The following PCNX2 variants were observed in gnomAD, a reference collection of about 807,000 sequenced individuals.
PCNX2 encodes the protein pecanex 2, also known as pecanex-like protein 2.
PCNX2 carries 168 observed loss-of-function variants against 223.8 expected under a neutral mutation model. That is an observed-to-expected ratio of 0.75 (90% CI 0.66 to 0.85). PCNX2 has a LOEUF of 0.85. Ranked by LOEUF, PCNX2 falls within the 40% of genes least tolerant of loss-of-function variation. PCNX2 has a pLI of 0.00. For synonymous variants in PCNX2, 1,006 were observed against 1,052.6 expected (o/e 0.96, Z 0.86); for missense variants, 2,507 against 2,675.5 (o/e 0.94, Z 1.39).
At position 233,000,298 on chromosome 1, in the gene PCNX2, G is replaced by A. The variant is rs1026036243; in HGVS notation, c.5328+7C>T. 7.4e-6 allele frequency: 12 copies of A among 1,613,366 alleles called. No homozygotes were observed. Among genetic ancestry groups the A allele is most frequent in the Admixed American group, 3.3e-5 (2 of 60,016 alleles). Reference sequence around the variant, plus strand: ...AACAGGGGACCCAGAAAGTGTGGCCGCCATACCTTGATCACCTTGAAGCTC... The same window carrying A: ...AACAGGGGACCCAGAAAGTGTGGCCACCATACCTTGATCACCTTGAAGCTC... On this transcript the variant is annotated splice_region_variant and intron_variant, in intron 30 of 33. Transcript: ENST00000258229. This position sits in a 1 kb window ranked among gnomAD's most constrained non-coding sequence, Gnocchi z 4.6.
intron 32 of PCNX2, among the ~76,000 whole-genome samples, chr1:232,988,370 C>A (rs1571981716): frequency 1.3e-5 from 2 of 151,872 alleles, no homozygotes; most frequent in South Asian, 4.2e-4. Context: ...CTGTGCAAGA[C>A]AAGGACTCCC....
chr1:233,022,604 T>TG (rs536085356), intron 26 of PCNX2, among the ~76,000 whole-genome samples: 38 of 118,524 alleles, frequency 3.2e-4, no homozygotes, highest in South Asian at 1.9e-3. Context: ...CAGTGAGAGA[T>TG]GGGGGGGGAG....
At chr1:233,286,979 T>A (rs767838859) in intron 1 of PCNX2, among the ~76,000 whole-genome samples, 1 of 152,224 alleles carries the variant, frequency 6.6e-6, no homozygotes, top group Non-Finnish European at 1.5e-5. Flanking sequence ...TGTATTTTGT[T>A]GCTAAAAGCC....
At chr1:233,112,838 CT>C (rs1675191741) in intron 21 of PCNX2, 1 of 1,277,198 alleles carries the variant, frequency 7.8e-7, no homozygotes, top group Non-Finnish European at 1.0e-6. Flanking sequence ...AAAAAGCTGA[CT>C]CTTACTTTGA....
intron 15 of PCNX2, among the ~76,000 whole-genome samples, chr1:233,188,163 A>C (rs1471851321): frequency 6.6e-6 from 1 of 152,148 alleles, no homozygotes; most frequent in Non-Finnish European, 1.5e-5. Context: ...AGGGTCTCCT[A>C]GACTGAAATG....
rs73111151 is a variant in PCNX2, at chr1:233,254,172, G to T, written c.1835-1384C>A. ...TCAAGTAATTAGAGGAGCAATGCTG[G>T]CTTCTCTGTGAGTCCTGAACATAAA... On this transcript the variant is annotated intron_variant, in intron 5 of 33. Transcript: ENST00000258229. Among the ~76,000 whole-genome samples the T allele has an allele frequency of 9.4e-3, 1,428 of 152,284 alleles. 24 individuals carry two copies. The highest frequency in any genetic ancestry group is 0.032 in the African/African-American group (1,334 of 41,552).
At chr1:233,200,736 G>C (rs1297340888) in intron 13 of PCNX2, among the ~76,000 whole-genome samples, 1 of 151,728 alleles carries the variant, frequency 6.6e-6, no homozygotes, top group East Asian at 1.9e-4. Flanking sequence ...AAAAACACAG[G>C]ACAGGACAGG....
chr1:233,221,206 C>G (rs1317799311), intron 10 of PCNX2, among the ~76,000 whole-genome samples: 1 of 150,610 alleles, frequency 6.6e-6, no homozygotes, highest in Non-Finnish European at 1.5e-5. Context: ...TTTTTTTAAT[C>G]GGGGGAAACC....
At position 233,260,954 on chromosome 1, in the gene PCNX2, T is replaced by C. The variant is rs992617692; in HGVS notation, c.517+331A>G. Among the ~76,000 whole-genome samples the C allele has an allele frequency of 7.2e-5, 11 of 152,290 alleles. 1 individual carries two copies. Among genetic ancestry groups the C allele is most frequent in the Admixed American group, 6.5e-4 (10 of 15,292 alleles). ...CTGTCATTTTTTGATGTATATGCTA[T>C]AATACAAATTTTTATATGGATGATA... On this transcript the variant is annotated intron_variant, in intron 4 of 33. Coordinates refer to ENST00000258229, the MANE Select transcript of PCNX2 (RefSeq NM_014801.4).
intron 1 of PCNX2, among the ~76,000 whole-genome samples, chr1:233,274,284 T>C (rs978477637): frequency 6.6e-6 from 1 of 152,206 alleles, no homozygotes. Context: ...AGATAGTTTT[T>C]TGCTGTGAGG....
chr1:233,322,913 T>G, the PCNX2 span, among the ~76,000 whole-genome samples: 1 of 152,040 alleles, frequency 6.6e-6, no homozygotes, highest in East Asian at 1.9e-4. Context: ...TCTCTCCCGT[T>G]CCATCTTTAT....
At chr1:233,318,947 T>C in the PCNX2 span, among the ~76,000 whole-genome samples, 1 of 152,030 alleles carries the variant, frequency 6.6e-6, no homozygotes, top group Non-Finnish European at 1.5e-5. Flanking sequence ...GACTCTCTCA[T>C]ACTGAGGGTG....
chr1:233,235,589 A>G (rs567990827), intron 9 of PCNX2, among the ~76,000 whole-genome samples: 98 of 148,962 alleles, frequency 6.6e-4, no homozygotes, highest in Non-Finnish European at 1.2e-3. Context: ...TTTCAACCCA[A>G]TGTATTTTGT....
chr1:233,022,703 T>C (rs1159393731), intron 26 of PCNX2, among the ~76,000 whole-genome samples: 157 of 147,872 alleles, frequency 1.1e-3, no homozygotes, highest in African/African-American at 3.5e-3. Flanking sequence ...TTCTTTTTTT[T>C]TTTTTTTTTT....
intron 1 of PCNX2, among the ~76,000 whole-genome samples, chr1:233,274,601 A>G (rs950238626): frequency 6.6e-6 from 1 of 152,196 alleles, no homozygotes; most frequent in African/African-American, 2.4e-5. Context: ...ATTCAAGCAA[A>G]TCAGGTGTGC....
At chr1:233,218,405 A>T (rs754907150) in intron 10 of PCNX2, among the ~76,000 whole-genome samples, 9 of 134,622 alleles carry the variant, frequency 6.7e-5, no homozygotes, top group African/African-American at 2.6e-4. Context: ...CCCGCCACCA[A>T]GCCCGGCTAA....
chr1:233,258,810 T>A lies in PCNX2; in HGVS notation c.1052A>T (p.Asp351Val). The A allele has an allele frequency of 6.2e-7, 1 of 1,613,938 alleles. No homozygotes were observed. Among genetic ancestry groups the A allele is most frequent in the Non-Finnish European group, 8.5e-7 (1 of 1,179,876 alleles). Residue 351 changes from aspartate (D) to valine (V), a missense_variant, in exon 5 of 34, where the codon GAT becomes GTT. Transcript: ENST00000258229. ...LPLHQEVDSSDSEVAVTLIDT... is the reference protein window; with the variant it reads ...LPLHQEVDSSVSEVAVTLIDT... The stretch of plus-strand genomic sequence containing the variant: ...GATGAGAGTAACAGCTACCTCACTA[T>A]CTGAGGAGTCCACTTCCTGGTGCAA...
intron 32 of PCNX2, 85 bp from the exon 33 acceptor site, chr1:232,986,625 C>T (rs908238845): frequency 9.8e-6 from 13 of 1,323,142 alleles, no homozygotes; most frequent in Non-Finnish European, 1.2e-5. Context: ...GCCTGCTCTG[C>T]CTGGGCCCAA....
intron 25 of PCNX2, chr1:233,032,941 A>C: frequency 1.0e-6 from 1 of 958,916 alleles, no homozygotes. Context: ...GAAAATAATA[A>C]AACCCAGTAA....
Sources: allele counts gnomAD v4.1 joint callset (sites outside exome capture counted in the v4.1 genomes callset), GRCh38; gene constraint gnomAD v4.1.1; non-coding constraint Gnocchi (gnomAD v3.1); transcripts MANE v1.5; gene names NCBI Gene and HGNC (gene_info 2026-07-23, HGNC 2026-07-21).